Variants in LRRC58 observed in about 807,000 individuals in gnomAD.
LRRC58 encodes leucine rich repeat containing 58, also known as leucine-rich repeat-containing protein 58.
LRRC58 carries 18 observed loss-of-function variants against 30.6 expected under a neutral mutation model. The ratio of observed to expected loss-of-function variants is 0.59; its 90% CI spans 0.41 to 0.87. LRRC58 has a LOEUF of 0.87. Ranked by LOEUF, LRRC58 falls within the 40% of genes least tolerant of loss-of-function variation. The pLI is 0.00. For missense variants in LRRC58, 420 were observed against 468.4 expected, an observed-to-expected ratio of 0.90 and a Z score of 0.95; for synonymous variants, 221 against 206.0, an observed-to-expected ratio of 1.07 and a Z score of -0.62.
intron 1 of LRRC58, among the ~76,000 whole-genome samples, chr3:120,340,788 T>G (rs1935895075): frequency 6.6e-6 from 1 of 152,062 alleles, no homozygotes; most frequent in Admixed American, 6.5e-5. Flanking sequence ...TCCCAGCTAC[T>G]CAGGAGGCTA....
intron 1 of LRRC58, among the ~76,000 whole-genome samples, chr3:120,340,663 C>T (rs1375891452): frequency 6.6e-6 from 1 of 152,108 alleles, no homozygotes; most frequent in African/African-American, 2.4e-5. Context: ...GACTTGAGGT[C>T]ACGAGTTCGA....
intron 3 of LRRC58, among the ~76,000 whole-genome samples, chr3:120,334,234 G>A (rs1935801194): frequency 1.3e-5 from 2 of 152,210 alleles, no homozygotes. Context: ...GCCGGGCGTG[G>A]TGGCTCACGC....
intron 1 of LRRC58, 41 bp downstream of exon 1, chr3:120,348,703 C>G: frequency 6.7e-7 from 1 of 1,496,330 alleles, no homozygotes; most frequent in Non-Finnish European, 8.9e-7. Context: ...TTCCCGGACA[C>G]CGCCCGAGGC....
intron 1 of LRRC58, among the ~76,000 whole-genome samples, chr3:120,340,173 T>C (rs1327126064): frequency 1.3e-5 from 2 of 152,230 alleles, no homozygotes; most frequent in Non-Finnish European, 2.9e-5. Flanking sequence ...TTAGCAGTTT[T>C]AACTTCAGGA....
chr3:120,349,049 G>T lies in LRRC58; in HGVS notation c.195C>A (p.Ser65Arg). 2.0e-6 allele frequency: 3 copies of T among 1,517,398 alleles called. No homozygotes were observed. The highest frequency in any genetic ancestry group is 2.6e-6 in the Non-Finnish European group (3 of 1,140,754). 94.0% of individuals were successfully genotyped at this position (1,517,398 alleles called of 1,614,324 possible). A position where few individuals can be genotyped will look rare whatever the true frequency, so the allele number is the denominator to read the frequency against. ...RLVSLPRALG[S>R]GFPHLQLLDV... ...CCAGCAGCTGGAGGTGCGGGAAGCC[G>T]CTGCCCAGCGCCCGTGGCAGCGACA... is the stretch of plus-strand genomic sequence containing the variant. The change falls in exon 1 of 4, where the codon AGC becomes AGA. Residue 65 changes from serine (S) to arginine (R), a missense_variant. Physicochemically the swap from Ser to Arg is moderately radical, Grantham distance 110 (BLOSUM62 -1). Transcript: ENST00000295628.
chr3:120,335,673 A>C (rs1047942189), intron 2 of LRRC58, among the ~76,000 whole-genome samples, 152 bp downstream of exon 2: 3 of 152,258 alleles, frequency 2.0e-5, no homozygotes, highest in Non-Finnish European at 4.4e-5. Context: ...AAAAAAACTC[A>C]GCTTGCAGCA....
Position 120,349,251 on chromosome 3 carries a change from A to G in LRRC58, c.-8T>C. The G allele has an allele frequency of 7.3e-7, 1 of 1,360,742 alleles. No individual in the cohort carries two copies. The highest frequency in any genetic ancestry group is 9.4e-7 in the Non-Finnish European group (1 of 1,063,602). 84.3% of individuals were successfully genotyped at this position (1,360,742 alleles called of 1,614,324 possible). A position where few individuals can be genotyped will look rare whatever the true frequency, so the allele number is the denominator to read the frequency against. On this transcript the variant is annotated 5_prime_UTR_variant, in exon 1 of 4. Transcript: ENST00000295628. The stretch of plus-strand genomic sequence containing the variant: ...TGCTCCGGCCTCCTCCATCCTGGCC[A>G]CCGCACGGCGCGTGGCGCCGGATTC...
chr3:120,339,251 T>C (rs1935873449), intron 1 of LRRC58, among the ~76,000 whole-genome samples: 1 of 152,166 alleles, frequency 6.6e-6, no homozygotes, highest in African/African-American at 2.4e-5. Flanking sequence ...CAATTTTCGT[T>C]GTACTCTCTC....
chr3:120,349,249 C>T lies in LRRC58; in HGVS notation c.-6G>A. 1 of 1,365,366 alleles carries T rather than the reference C, an allele frequency of 7.3e-7. No individual in the cohort carries two copies. The highest frequency in any genetic ancestry group is 1.5e-5 in the African/African-American group (1 of 65,280). The allele number at this position is 1,365,366 out of a possible 1,614,324, so 84.6% of individuals were successfully genotyped here. On this transcript the variant is annotated 5_prime_UTR_variant, in exon 1 of 4. Transcript: ENST00000295628. ...GCTGCTCCGGCCTCCTCCATCCTGG[C>T]CACCGCACGGCGCGTGGCGCCGGAT...
At chr3:120,337,726 T>C (rs1284137404) in intron 1 of LRRC58, among the ~76,000 whole-genome samples, 1 of 152,182 alleles carries the variant, frequency 6.6e-6, no homozygotes, top group African/African-American at 2.4e-5. Flanking sequence ...CAGAGTCCTG[T>C]CAATCTTTAC....
intron 1 of LRRC58, among the ~76,000 whole-genome samples, chr3:120,336,905 C>T (rs898408906): frequency 1.3e-5 from 2 of 149,788 alleles, no homozygotes; most frequent in African/African-American, 2.4e-5. Context: ...AAAATGTATA[C>T]AAACACATAC....
chr3:120,335,419 T>C (rs1361475773), intron 2 of LRRC58, among the ~76,000 whole-genome samples: 1 of 152,148 alleles, frequency 6.6e-6, no homozygotes, highest in African/African-American at 2.4e-5. Flanking sequence ...GATTTGGGGG[T>C]GGGCAGTGGG....
chr3:120,331,114 G>C lies in LRRC58; in HGVS notation c.*86C>G. 8.8e-7 allele frequency: 1 copy of C among 1,135,884 alleles called. No individual in the cohort carries two copies. The highest frequency in any genetic ancestry group is 2.4e-5 in the East Asian group (1 of 42,014). The allele number at this position is 1,135,884 out of a possible 1,614,324, so 70.4% of individuals were successfully genotyped here. A position where few individuals can be genotyped will look rare whatever the true frequency, so the allele number is the denominator to read the frequency against. ...TGATGAACACTTAAGATGAAGATAA[G>C]ATTTCTAGTGAACTTCAAGCTCTAT... On this transcript the variant is annotated 3_prime_UTR_variant, in exon 4 of 4. Transcript: ENST00000295628.
rs1462490331 is a variant in LRRC58 at position 120,334,988 on chromosome 3, T to C, written c.781A>G (p.Thr261Ala). 1.1e-5 allele frequency: 18 copies of C among 1,613,646 alleles called. No individual in the cohort carries two copies. The highest frequency in any genetic ancestry group is 2.2e-5 in the East Asian group (1 of 44,872). The change falls in exon 3 of 4, where the codon ACT (threonine) becomes GCT (alanine). Residue 261 changes from threonine (T) to alanine (A), a missense_variant. Around this residue, in one of 2 missense-constraint regions of LRRC58, gnomAD observed 154 missense variants for 216.8 expected, o/e 0.71. Transcript: ENST00000295628. ...GTCCGTGCAGCTAATTCCAGGAGAG[T>C]TGGAGGATCATAGGTTAAATCTCTA... ...FVRDLTYDPP[T>A]LLELAARTIK...
intron 3 of LRRC58, among the ~76,000 whole-genome samples, chr3:120,334,624 C>T (rs1434628435): frequency 6.6e-6 from 1 of 152,112 alleles, no homozygotes; most frequent in Non-Finnish European, 1.5e-5. Context: ...ATTTTACCAT[C>T]TTGATTTATT....
At chr3:120,332,231 A>G (rs984104939) in intron 3 of LRRC58, among the ~76,000 whole-genome samples, 1 of 152,226 alleles carries the variant, frequency 6.6e-6, no homozygotes, top group African/African-American at 2.4e-5. Context: ...ACCTCTCTGG[A>G]GAGGAATCTC....
At chr3:120,347,376 A>ATTCTTTTTTTTTTTTTTTT (rs1935982119) in intron 1 of LRRC58, among the ~76,000 whole-genome samples, 1 of 51,108 alleles carries the variant, frequency 2.0e-5, no homozygotes, top group African/African-American at 8.3e-5. Flanking sequence ...CCAGGCCAAT[A>ATTCTTTTTTTTTTTTTTTT]TTCTTTTTTT....
At chr3:120,339,968 A>C (rs1398949076) in intron 1 of LRRC58, among the ~76,000 whole-genome samples, 1 of 152,082 alleles carries the variant, frequency 6.6e-6, no homozygotes, top group African/African-American at 2.4e-5. Context: ...GGTTCAAGCA[A>C]TTCTACCTCA....
intron 3 of LRRC58, among the ~76,000 whole-genome samples, chr3:120,334,270 C>T (rs919218899): frequency 1.3e-4 from 19 of 151,986 alleles, no homozygotes; most frequent in Admixed American, 2.0e-4. Context: ...TTTGGGAGGC[C>T]GAGGTGGGCG....
Sources: gnomAD v4.1 joint callset for allele counts (sites outside exome capture counted in the v4.1 genomes callset) on GRCh38, gnomAD v4.1.1 for gene constraint, gnomAD v4.1.1 regional missense constraint, MANE v1.5 for transcripts, NCBI Gene and HGNC (gene_info 2026-07-23, HGNC 2026-07-21) for gene names.